Variants in PRR18 observed in about 807,000 individuals in gnomAD.
PRR18 encodes proline-rich protein 18.
For missense variants in PRR18, 517 were observed against 437.4 expected (o/e 1.18, Z -1.62); for synonymous variants, 228 against 220.2 (o/e 1.04, Z -0.32).
chr6:166,307,085 G>A lies in PRR18; in HGVS notation c.*170C>T, dbSNP rs1778106584. On this transcript the variant is annotated 3_prime_UTR_variant, in exon 1 of 1. Coordinates refer to ENST00000322583, the MANE Select transcript of PRR18 (RefSeq NM_175922.4). Reference sequence around the variant, plus strand: ...GGGCAGGAGGGGGGCCGTGGCCGTCGGGCGAGTCTGGCTGCGCCCCACGTG... The same window carrying A: ...GGGCAGGAGGGGGGCCGTGGCCGTCAGGCGAGTCTGGCTGCGCCCCACGTG... 5 of 645,978 alleles carry A rather than the reference G, an allele frequency of 7.7e-6. No individual in the cohort carries two copies. The highest frequency in any genetic ancestry group is 7.0e-6 in the Non-Finnish European group (3 of 429,478). The allele number at this position is 645,978 out of a possible 1,614,324, so 40.0% of individuals were successfully genotyped here.
At position 166,305,745 on chromosome 6, in the gene PRR18, G is replaced by A. The variant is rs1351000351; in HGVS notation, c.*1510C>T. On this transcript the variant is annotated 3_prime_UTR_variant, in exon 1 of 1. Transcript: ENST00000322583. ...AGTCGGTCCCTCTAGGATGCCACCA[G>A]GGAAAAGTCTTCAAAATGTTGTTGT... The A allele has an allele frequency of 3.3e-5, 5 of 152,226 alleles. No individual in the cohort carries two copies. Among genetic ancestry groups the A allele is most frequent in the African/African-American group, 1.2e-4 (5 of 41,446 alleles). 9.4% of individuals were successfully genotyped at this position (152,226 alleles called of 1,614,324 possible).
Position 166,305,359 on chromosome 6 carries a change from T to C in PRR18, c.*1896A>G, listed in dbSNP as rs186147332. 6.6e-6 allele frequency: 1 copy of C among 152,324 alleles called. No individual in the cohort carries two copies. The highest frequency in any genetic ancestry group is 1.9e-4 in the East Asian group (1 of 5,190). 9.4% of individuals were successfully genotyped at this position (152,324 alleles called of 1,614,324 possible). ...ATTGGAGCATAGCGACTTAGAAAAC[T>C]TTCTCAAAATGTCCTTAACAGCAAT... is the stretch of plus-strand genomic sequence containing the variant. On this transcript the variant is annotated 3_prime_UTR_variant, in exon 1 of 1. Coordinates refer to ENST00000322583, the MANE Select transcript of PRR18 (RefSeq NM_175922.4).
chr6:166,307,960 G>GCCGCGCCGGGC lies in PRR18; in HGVS notation c.172_182dup (p.Leu64AlafsTer78), dbSNP rs1405687404. 4.9e-6 allele frequency: 6 copies of GCCGCGCCGGGC among 1,231,842 alleles called. No homozygotes were observed. The highest frequency in any genetic ancestry group is 6.1e-6 in the Non-Finnish European group (6 of 982,074). The allele number at this position is 1,231,842 out of a possible 1,614,324, so 76.3% of individuals were successfully genotyped here. A position where few individuals can be genotyped will look rare whatever the true frequency, so the allele number is the denominator to read the frequency against. The stretch of plus-strand genomic sequence containing the variant: ...GCGGCTGCGTCCTGTCCAGGCCGGG[G>GCCGCGCCGGGC]CCGCGCCGGGCCGGCGGCCTCTTGA... On this transcript the variant is annotated frameshift_variant, in exon 1 of 1. Coordinates refer to ENST00000322583, the MANE Select transcript of PRR18 (RefSeq NM_175922.4). LOFTEE classifies it low-confidence loss of function (END_TRUNC).
In PRR18 at chr6:166,306,023, A is replaced by C. The variant is rs570416201; in HGVS notation, c.*1232T>G. The C allele has an allele frequency of 4.6e-5, 7 of 152,228 alleles. No homozygotes were observed. The highest frequency in any genetic ancestry group is 4.6e-4 in the Admixed American group (7 of 15,282). The allele number at this position is 152,228 out of a possible 1,614,324, so 9.4% of individuals were successfully genotyped here. ...TTGCCCCTCTAGAATTAATATATTC[A>C]TTTTAAGTAAAAGAAAACTTATCTC... On this transcript the variant is annotated 3_prime_UTR_variant, in exon 1 of 1. Transcript: ENST00000322583.
At position 166,307,479 on chromosome 6, in the gene PRR18, G is replaced by A. The variant is rs752567613; in HGVS notation, c.664C>T (p.Pro222Ser). The A allele has an allele frequency of 2.7e-6, 4 of 1,467,178 alleles. No homozygotes were observed. The African/African-American group carries it at 5.8e-5, about 21-fold the overall frequency. 90.9% of individuals were successfully genotyped at this position (1,467,178 alleles called of 1,614,324 possible). ...AQLLHGGLQV[P>S]QLSPRPGALR... ...GCCCCGGGCCGCGGGCTGAGCTGGGGAACCTGCAGGCCGCCGTGCAGCAGC... is the reference window on the plus strand; with the variant it reads ...GCCCCGGGCCGCGGGCTGAGCTGGGAAACCTGCAGGCCGCCGTGCAGCAGC... Residue 222 changes from proline (P) to serine (S), a missense_variant, in exon 1 of 1, where the codon CCC (proline) becomes TCC (serine). Physicochemically the swap from Pro to Ser is moderately conservative, Grantham distance 74 (BLOSUM62 -1). Transcript: ENST00000322583.
chr6:166,307,133 C>A lies in PRR18; in HGVS notation c.*122G>T. On this transcript the variant is annotated 3_prime_UTR_variant, in exon 1 of 1. Coordinates refer to ENST00000322583, the MANE Select transcript of PRR18 (RefSeq NM_175922.4). Reference sequence around the variant, plus strand: ...GTGGGCCAGCTTGCGCACTGGTGTCCCGAAAGTGGGCGCTGGCGGCCAGAG... The same window carrying A: ...GTGGGCCAGCTTGCGCACTGGTGTCACGAAAGTGGGCGCTGGCGGCCAGAG... The A allele has an allele frequency of 9.0e-7, 1 of 1,108,004 alleles. No individual in the cohort carries two copies. Among genetic ancestry groups the A allele is most frequent in the South Asian group, 2.3e-5 (1 of 43,006 alleles). The allele number at this position is 1,108,004 out of a possible 1,614,324, so 68.6% of individuals were successfully genotyped here. A position where few individuals can be genotyped will look rare whatever the true frequency, so the allele number is the denominator to read the frequency against.
Position 166,306,935 on chromosome 6 carries a change from T to A in PRR18, c.*320A>T. 1 of 305,382 alleles carries A rather than the reference T, an allele frequency of 3.3e-6. No homozygotes were observed. The highest frequency in any genetic ancestry group is 6.0e-6 in the Non-Finnish European group (1 of 166,202). The allele number at this position is 305,382 out of a possible 1,614,324, so 18.9% of individuals were successfully genotyped here. On this transcript the variant is annotated 3_prime_UTR_variant, in exon 1 of 1. Transcript: ENST00000322583. ...ACCAAGAGGCATTTTCTCAGTTGCTTAATTCCCCACGAACTGCATGGATGC... is the reference window on the plus strand; with the variant it reads ...ACCAAGAGGCATTTTCTCAGTTGCTAAATTCCCCACGAACTGCATGGATGC...
chr6:166,308,160 G>A lies in PRR18; in HGVS notation c.-18C>T. The A allele has an allele frequency of 8.1e-7, 1 of 1,229,112 alleles. No homozygotes were observed. Among genetic ancestry groups the A allele is most frequent in the Middle Eastern group, 3.1e-4 (1 of 3,198 alleles). 76.1% of individuals were successfully genotyped at this position (1,229,112 alleles called of 1,614,324 possible). On this transcript the variant is annotated 5_prime_UTR_variant, in exon 1 of 1. Coordinates refer to ENST00000322583, the MANE Select transcript of PRR18 (RefSeq NM_175922.4). ...AAGGGCATAGTGCAGCCGAGCCGCC[G>A]GATCCTCAGCCCCTGGAAAGAGAGG...
Position 166,307,997 on chromosome 6 carries a change from G to A in PRR18, c.146C>T (p.Pro49Leu). ...RPEGLLSSSWPSATLKRPPAR... is the reference protein window; with the variant it reads ...RPEGLLSSSWLSATLKRPPAR... ...CGGCGGCCTCTTGAGCGTGGCGGAGGGCCAGGAGCTGGAGAGGAGCCCCTC... is the reference window on the plus strand; with the variant it reads ...CGGCGGCCTCTTGAGCGTGGCGGAGAGCCAGGAGCTGGAGAGGAGCCCCTC... The change falls in exon 1 of 1, where the codon CCC becomes CTC. Residue 49 changes from proline to leucine, a missense_variant. Pro to Leu is a moderately conservative substitution (Grantham distance 98). Transcript: ENST00000322583. 1.6e-6 allele frequency: 2 copies of A among 1,238,502 alleles called. No homozygotes were observed. The highest frequency in any genetic ancestry group is 1.6e-5 in the African/African-American group (1 of 64,064). The allele number at this position is 1,238,502 out of a possible 1,614,324, so 76.7% of individuals were successfully genotyped here.
Position 166,307,267 on chromosome 6 carries a change from C to A in PRR18, c.876G>T (p.Leu292=). Residue 292 remains leucine, a synonymous_variant, in exon 1 of 1, where the codon CTG becomes CTT. Coordinates refer to ENST00000322583, the MANE Select transcript of PRR18 (RefSeq NM_175922.4). The part of the protein sequence containing the change: ...RAGALDSRRH[L]STL Reference sequence around the variant, plus strand: ...AGGCCCGCTGGGCTCACAGCGTGCTCAGGTGCCGCCGTGAGTCCAGGGCCC... The same window carrying A: ...AGGCCCGCTGGGCTCACAGCGTGCTAAGGTGCCGCCGTGAGTCCAGGGCCC... 1 of 1,506,170 alleles carries A rather than the reference C, an allele frequency of 6.6e-7. No individual in the cohort carries two copies. Among genetic ancestry groups the A allele is most frequent in the Non-Finnish European group, 8.8e-7 (1 of 1,135,610 alleles). 93.3% of individuals were successfully genotyped at this position (1,506,170 alleles called of 1,614,324 possible).
At position 166,307,885 on chromosome 6, in the gene PRR18, G is replaced by T; in HGVS notation, c.258C>A (p.Ala86=). 2 of 1,238,248 alleles carry T rather than the reference G, an allele frequency of 1.6e-6. No homozygotes were observed. Among genetic ancestry groups the T allele is most frequent in the Non-Finnish European group, 2.0e-6 (2 of 991,626 alleles). The allele number at this position is 1,238,248 out of a possible 1,614,324, so 76.7% of individuals were successfully genotyped here. Reference sequence around the variant, plus strand: ...GCCGGGGCGGGGCGCACGTGGCTGGGGCCCGCGCGCGGCTGGGCAAGGCCT... The same window carrying T: ...GCCGGGGCGGGGCGCACGTGGCTGGTGCCCGCGCGCGGCTGGGCAAGGCCT... ...SPQALPSRAR[A]PATCAPPRPA... The change falls in exon 1 of 1, where the codon GCC becomes GCA. Residue 86 remains alanine, a synonymous_variant. Coordinates refer to ENST00000322583, the MANE Select transcript of PRR18 (RefSeq NM_175922.4).
chr6:166,307,764 GC>G lies in PRR18; in HGVS notation c.378del (p.Pro127LeufsTer11). 2 of 1,497,566 alleles carry G rather than the reference GC, an allele frequency of 1.3e-6. No individual in the cohort carries two copies. Among genetic ancestry groups the G allele is most frequent in the African/African-American group, 1.4e-5 (1 of 69,396 alleles). The allele number at this position is 1,497,566 out of a possible 1,614,324, so 92.8% of individuals were successfully genotyped here. ...TTAAGTSSGA[G>X]PCPDSAARFC... ...AAGCGCGCAGCGGAGTCTGGACAAG[GC>G]CCCGCCCCCGAGGAGGTGCCCGCGG... On this transcript the variant is annotated frameshift_variant, in exon 1 of 1. Transcript: ENST00000322583. LOFTEE classifies it low-confidence loss of function (END_TRUNC).
chr6:166,308,376 C>T lies in PRR18; in HGVS notation c.-234G>A. The stretch of plus-strand genomic sequence containing the variant: ...CCGGGACTGGACCCTGCAGGAACCG[C>T]CTCCCGCCGTCCGACTGTGGGCGAG... On this transcript the variant is annotated 5_prime_UTR_variant, in exon 1 of 1. Transcript: ENST00000322583. The T allele has an allele frequency of 2.6e-6, 1 of 377,982 alleles. No homozygotes were observed. Among genetic ancestry groups the T allele is most frequent in the Non-Finnish European group, 4.6e-6 (1 of 218,242 alleles). The allele number at this position is 377,982 out of a possible 1,614,324, so 23.4% of individuals were successfully genotyped here.
chr6:166,308,076 G>T lies in PRR18; in HGVS notation c.67C>A (p.Pro23Thr), dbSNP rs571955937. 8.9e-6 allele frequency: 11 copies of T among 1,236,646 alleles called. No homozygotes were observed. The African/African-American group carries it at 1.6e-4, about 17-fold the overall frequency. The allele number at this position is 1,236,646 out of a possible 1,614,324, so 76.6% of individuals were successfully genotyped here. ...TCCCCCGCGGCGCAGGGCCTCCGGG[G>T]TAACTGGCGCGCGGCTTGGGCCCCC... Reference protein sequence around the residue: ...APGAQAARQLPRRPCAAGDKK... With the variant: ...APGAQAARQLTRRPCAAGDKK... Residue 23 changes from proline (P) to threonine (T), a missense_variant, in exon 1 of 1, where the codon CCC becomes ACC. Coordinates refer to ENST00000322583, the MANE Select transcript of PRR18 (RefSeq NM_175922.4).
At position 166,307,237 on chromosome 6, in the gene PRR18, C is replaced by G; in HGVS notation, c.*18G>C. Reference sequence around the variant, plus strand: ...GAGGTGGGATCAGGCCTGGCCTGTCCCCGCAGGCCCGCTGGGCTCACAGCG... The same window carrying G: ...GAGGTGGGATCAGGCCTGGCCTGTCGCCGCAGGCCCGCTGGGCTCACAGCG... On this transcript the variant is annotated 3_prime_UTR_variant, in exon 1 of 1. Coordinates refer to ENST00000322583, the MANE Select transcript of PRR18 (RefSeq NM_175922.4). 6.9e-7 allele frequency: 1 copy of G among 1,440,998 alleles called. No homozygotes were observed. The highest frequency in any genetic ancestry group is 9.0e-7 in the Non-Finnish European group (1 of 1,107,720). 89.3% of individuals were successfully genotyped at this position (1,440,998 alleles called of 1,614,324 possible). A position where few individuals can be genotyped will look rare whatever the true frequency, so the allele number is the denominator to read the frequency against.
Position 166,308,105 on chromosome 6 carries a change from G to T in PRR18, c.38C>A (p.Ala13Asp). The change falls in exon 1 of 1, where the codon GCC (alanine) becomes GAC (aspartate). Residue 13 changes from alanine to aspartate, a missense_variant. Ala to Asp is a moderately radical substitution (Grantham distance 126). Coordinates refer to ENST00000322583, the MANE Select transcript of PRR18 (RefSeq NM_175922.4). ...FPPMPPPPAP[A>D]PGAQAARQLP... ...CTGGCGCGCGGCTTGGGCCCCCGGG[G>T]CGGGGGCGGGCGGCGGCGGCATGGG... The T allele has an allele frequency of 8.1e-7, 1 of 1,231,650 alleles. No individual in the cohort carries two copies. The allele number at this position is 1,231,650 out of a possible 1,614,324, so 76.3% of individuals were successfully genotyped here.
Position 166,307,295 on chromosome 6 carries a change from G to A in PRR18, c.848C>T (p.Ala283Val), listed in dbSNP as rs766699697. The A allele has an allele frequency of 3.3e-6, 5 of 1,530,052 alleles. No individual in the cohort carries two copies. In the African/African-American group the frequency reaches 4.3e-5, roughly 13 times the overall value. 94.8% of individuals were successfully genotyped at this position (1,530,052 alleles called of 1,614,324 possible). The change falls in exon 1 of 1, where the codon GCG (alanine) becomes GTG (valine). Residue 283 changes from alanine to valine, a missense_variant. Transcript: ENST00000322583. The stretch of plus-strand genomic sequence containing the variant: ...GTGCCGCCGTGAGTCCAGGGCCCCC[G>A]CCCGGCCCCGCGCGGCAGCCGCGGA... ...VESAAAARGR[A>V]GALDSRRHLS...
Position 166,305,522 on chromosome 6 carries a change from T to C in PRR18, c.*1733A>G, listed in dbSNP as rs1404668935. Reference sequence around the variant, plus strand: ...AGGCCCACAAACTCTATTTAATAAATACAAATTACTAAAAATGCGCTTAGT... The same window carrying C: ...AGGCCCACAAACTCTATTTAATAAACACAAATTACTAAAAATGCGCTTAGT... On this transcript the variant is annotated 3_prime_UTR_variant, in exon 1 of 1. Coordinates refer to ENST00000322583, the MANE Select transcript of PRR18 (RefSeq NM_175922.4). 1.3e-5 allele frequency: 2 copies of C among 152,222 alleles called. No homozygotes were observed. The highest frequency in any genetic ancestry group is 1.3e-4 in the Admixed American group (2 of 15,288). 9.4% of individuals were successfully genotyped at this position (152,222 alleles called of 1,614,324 possible).
In PRR18 at chr6:166,307,965, G is replaced by C; in HGVS notation, c.178C>G (p.Arg60Gly). The change falls in exon 1 of 1, where the codon CGC becomes GGC. Residue 60 changes from arginine (R) to glycine (G), a missense_variant. Transcript: ENST00000322583. ...SATLKRPPAR[R>G]GPGLDRTQPP... is the part of the protein sequence containing the mutation. ...TGCGTCCTGTCCAGGCCGGGGCCGC[G>C]CCGGGCCGGCGGCCTCTTGAGCGTG... 1 of 1,232,896 alleles carries C rather than the reference G, an allele frequency of 8.1e-7. No homozygotes were observed. The highest frequency in any genetic ancestry group is 3.2e-5 in the East Asian group (1 of 30,914). The allele number at this position is 1,232,896 out of a possible 1,614,324, so 76.4% of individuals were successfully genotyped here.
Sources: allele counts gnomAD v4.1 joint callset, GRCh38; gene constraint gnomAD v4.1.1; transcripts MANE v1.5; gene names NCBI Gene and HGNC (gene_info 2026-07-23, HGNC 2026-07-21).